SPAG16: variants seen among roughly 807,000 people sequenced by gnomAD.
SPAG16 encodes the protein sperm-associated antigen 16 protein.
Under a neutral mutation model 80.4 loss-of-function variants are expected in SPAG16, and 86 were observed. That is an observed-to-expected ratio of 1.07 (90% confidence interval 0.90 to 1.28). The LOEUF is 1.28. SPAG16 is among the 50% of genes most tolerant of loss of function. The pLI, the probability that SPAG16 is intolerant of heterozygous loss-of-function variation, is 0.00. For missense variants in SPAG16, 870 were observed against 765.3 expected (o/e 1.14, Z -1.61); for synonymous variants, 294 against 265.9 (o/e 1.11, Z -1.03).
intron 14 of SPAG16, 75 bp from the exon 15 acceptor site, chr2:214,149,063 ATG>A (rs137952160): frequency 0.012 from 2,564 of 214,352 alleles, 75 homozygotes; most frequent in African/African-American, 0.069. Flanking sequence ...GTATATATAT[ATG>A]TGTGTGTGTG....
At chr2:213,713,271 T>C (rs1043727194) in intron 10 of SPAG16, among the ~76,000 whole-genome samples, 7 of 152,186 alleles carry the variant, frequency 4.6e-5, no homozygotes, top group African/African-American at 1.7e-4. Context: ...GAAGGACACT[T>C]CTTGTGAGGC....
rs139908624 is a variant in SPAG16 at position 214,371,419 on chromosome 2, C to G, written c.1721-38721C>G. On this transcript the variant is annotated intron_variant, in intron 15 of 15. Transcript: ENST00000331683. ...TGGTGGCGCAGGCCTGTAATCCCAG[C>G]TACTCGGGAGTCTGAGGCAGGAGAA... 8.3e-3 allele frequency among the ~76,000 whole-genome samples: 1,255 copies of G among 151,024 alleles called. 20 individuals are homozygous for G. Among genetic ancestry groups the G allele is most frequent in the African/African-American group, 0.029 (1,188 of 41,132 alleles).
chr2:213,848,555 G>A (rs762052325), intron 10 of SPAG16, among the ~76,000 whole-genome samples: 10 of 152,060 alleles, frequency 6.6e-5, no homozygotes, highest in Non-Finnish European at 1.5e-4. Flanking sequence ...CCTTAAACAT[G>A]TACTTTTCAT....
intron 9 of SPAG16, among the ~76,000 whole-genome samples, chr2:213,397,260 C>T (rs1045569516): frequency 1.3e-5 from 2 of 152,184 alleles, no homozygotes; most frequent in Non-Finnish European, 2.9e-5. Context: ...TCTCCTAAGC[C>T]AGTATGAGAG....
chr2:213,308,202 C>T (rs1455594579), intron 3 of SPAG16, among the ~76,000 whole-genome samples: 1 of 152,008 alleles, frequency 6.6e-6, no homozygotes, highest in African/African-American at 2.4e-5. Context: ...TTAGTATTCC[C>T]TATTCCTTGG....
rs556475817 is a variant in SPAG16 at position 214,044,000 on chromosome 2, T to G, written c.1527+29923T>G. ...CACATAACTTCCTATTATTCTTCCC[T>G]GTTCTTTAGTCTCTAATTTTATATA... is the stretch of plus-strand genomic sequence containing the variant. On this transcript the variant is annotated intron_variant, in intron 13 of 15. Transcript: ENST00000331683. 1.1e-3 allele frequency among the ~76,000 whole-genome samples: 175 copies of G among 152,230 alleles called. 1 individual carries two copies. The highest frequency in any genetic ancestry group is 4.0e-3 in the African/African-American group (166 of 41,576).
chr2:214,226,245 C>A (rs937276507), intron 15 of SPAG16, among the ~76,000 whole-genome samples: 1 of 152,026 alleles, frequency 6.6e-6, no homozygotes, highest in Non-Finnish European at 1.5e-5. Flanking sequence ...TATGACTCAG[C>A]TCTGCCCCTT....
At chr2:214,326,973 A>G (rs1367197722) in intron 15 of SPAG16, among the ~76,000 whole-genome samples, 3 of 145,592 alleles carry the variant, frequency 2.1e-5, no homozygotes, top group Non-Finnish European at 3.0e-5. Flanking sequence ...AAAAAAAGTC[A>G]CTAGTATTCT....
chr2:213,983,702 A>G (rs1345594000), intron 12 of SPAG16, among the ~76,000 whole-genome samples: 1 of 151,984 alleles, frequency 6.6e-6, no homozygotes, highest in Admixed American at 6.6e-5. Context: ...AGTATCAACA[A>G]AATTTTATAG....
intron 10 of SPAG16, among the ~76,000 whole-genome samples, chr2:213,817,147 TG>T (rs2125682769): frequency 6.6e-6 from 1 of 150,682 alleles, no homozygotes; most frequent in Admixed American, 6.6e-5. Flanking sequence ...AAAAATAATT[TG>T]TCAGTACATA....
chr2:214,347,348 G>GT (rs1170487674), intron 15 of SPAG16, among the ~76,000 whole-genome samples: 3 of 66,348 alleles, frequency 4.5e-5, no homozygotes, highest in African/African-American at 6.4e-5. Context: ...AAAATATTAG[G>GT]GTTTTTTTTT....
intron 10 of SPAG16, among the ~76,000 whole-genome samples, chr2:213,772,192 C>T (rs752357764): frequency 2.0e-5 from 3 of 151,996 alleles, no homozygotes; most frequent in Non-Finnish European, 4.4e-5. Context: ...GTATTTTATT[C>T]TCTTTGTAGC....
chr2:213,506,382 A>G (rs2074969575), intron 10 of SPAG16, among the ~76,000 whole-genome samples: 1 of 152,224 alleles, frequency 6.6e-6, no homozygotes, highest in Non-Finnish European at 1.5e-5. Flanking sequence ...TAAATTTCAT[A>G]ATGCCAGGAT....
At chr2:213,656,198 G>A (rs2063214708) in intron 10 of SPAG16, among the ~76,000 whole-genome samples, 1 of 152,202 alleles carries the variant, frequency 6.6e-6, no homozygotes, top group Admixed American at 6.5e-5. Context: ...TTTGATGTGT[G>A]CCTTTTTTTG....
Position 213,925,356 on chromosome 2 carries a change from T to A in SPAG16, c.1215-4604T>A, listed in dbSNP as rs2078420589. Reference sequence around the variant, plus strand: ...TACTTGTTCTTGTTTCTTTTCTTCCTTTTTTTTTTTTTTGAGGTGGAGTCT... The same window carrying A: ...TACTTGTTCTTGTTTCTTTTCTTCCATTTTTTTTTTTTTGAGGTGGAGTCT... On this transcript the variant is annotated intron_variant, in intron 11 of 15. Coordinates refer to ENST00000331683, the MANE Select transcript of SPAG16 (RefSeq NM_024532.5). Among the ~76,000 whole-genome samples the A allele has an allele frequency of 8.6e-5, 3 of 35,054 alleles. 1 individual carries two copies. Among genetic ancestry groups the A allele is most frequent in the Non-Finnish European group, 2.8e-4 (3 of 10,848 alleles). 23.0% of individuals were successfully genotyped at this position (35,054 alleles called of 152,430 possible).
intron 15 of SPAG16, among the ~76,000 whole-genome samples, chr2:214,394,791 C>T (rs1036111031): frequency 2.6e-5 from 4 of 152,230 alleles, no homozygotes; most frequent in African/African-American, 7.2e-5. Flanking sequence ...CGTATAATGA[C>T]GTATATCCAT....
intron 10 of SPAG16, among the ~76,000 whole-genome samples, chr2:213,504,239 A>C (rs2074869777): frequency 6.6e-6 from 1 of 152,162 alleles, no homozygotes; most frequent in African/African-American, 2.4e-5. Context: ...GCATTGCCAG[A>C]GGGCAGTGTG....
intron 12 of SPAG16, among the ~76,000 whole-genome samples, chr2:213,973,623 T>C (rs974733867): frequency 6.0e-5 from 9 of 150,584 alleles, no homozygotes; most frequent in African/African-American, 2.2e-4. Flanking sequence ...GGCTACCATT[T>C]TTAAATTGCC....
intron 10 of SPAG16, among the ~76,000 whole-genome samples, chr2:213,860,432 TA>T (rs1039542956): frequency 4.1e-5 from 5 of 121,190 alleles, no homozygotes; most frequent in Non-Finnish European, 9.1e-5. Flanking sequence ...TGTATATCTA[TA>T]TATTTATAGA....
Sources: gnomAD v4.1 joint callset for allele counts (sites outside exome capture counted in the v4.1 genomes callset) on GRCh38, gnomAD v4.1.1 for gene constraint, MANE v1.5 for transcripts, NCBI Gene and HGNC (gene_info 2026-07-23, HGNC 2026-07-21) for gene names.